Variants in CDHR2 observed in about 807,000 individuals in gnomAD.
CDHR2 encodes the protein cadherin-related family member 2.
CDHR2 carries 104 observed loss-of-function variants against 138.6 expected under a neutral mutation model. That is an observed-to-expected ratio of 0.75 (90% CI 0.64 to 0.88). The LOEUF (loss-of-function observed/expected upper bound fraction) is 0.88. Among genes scored for constraint, CDHR2 ranks in the 40% least tolerant of loss-of-function variants. CDHR2 has a pLI of 0.00. For synonymous variants in CDHR2, 755 were observed against 742.8 expected (o/e 1.02, Z -0.27); for missense variants, 1,624 against 1,727.6 (o/e 0.94, Z 1.06).
In CDHR2 at chr5:176,591,330, A is replaced by G; in HGVS notation, c.3653+7A>G. 2 of 1,612,322 alleles carry G rather than the reference A, an allele frequency of 1.2e-6. No individual in the cohort carries two copies. The highest frequency in any genetic ancestry group is 1.7e-6 in the Non-Finnish European group (2 of 1,178,380). ...ACATGTACAACACTGAGCGGTGAGC[A>G]GGGGTCAAAGGGTAGGTAAGAGGCC... is the stretch of plus-strand genomic sequence containing the variant. On this transcript the variant is annotated splice_region_variant and intron_variant, in intron 29 of 31. Coordinates refer to ENST00000261944, the MANE Select transcript of CDHR2 (RefSeq NM_017675.6).
chr5:176,554,938 G>A (rs982674356), intron 1 of CDHR2, among the ~76,000 whole-genome samples: 3 of 152,218 alleles, frequency 2.0e-5, no homozygotes, highest in Non-Finnish European at 4.4e-5. Context: ...ACAGGTGTGA[G>A]CCACCACACC....
At chr5:176,554,560 T>C (rs1226111338) in intron 1 of CDHR2, among the ~76,000 whole-genome samples, 1 of 152,254 alleles carries the variant, frequency 6.6e-6, no homozygotes, top group Non-Finnish European at 1.5e-5. Context: ...TCCTTGACTC[T>C]GTAAACTCAA....
At chr5:176,565,586 A>C in intron 2 of CDHR2, 86 bp from the exon 3 acceptor site, 1 of 1,335,760 alleles carries the variant, frequency 7.5e-7, no homozygotes, top group Non-Finnish European at 1.1e-6. Context: ...GGTGGCCATA[A>C]GGACTAGTGT....
rs543758811 is a variant in CDHR2, at chr5:176,543,161, C to T, written c.-16+392C>T. The stretch of plus-strand genomic sequence containing the variant: ...CGGCAGAGGCCTGGCGGGAAGACCC[C>T]GCGTGCGTTCCTCCGCCGGCCCGCG... On this transcript the variant is annotated intron_variant, in intron 1 of 31. Transcript: ENST00000510636. This position sits in a 1 kb window ranked among gnomAD's most constrained non-coding sequence, Gnocchi z 4.0. 1.3e-3 allele frequency among the ~76,000 whole-genome samples: 197 copies of T among 150,674 alleles called. No homozygotes were observed. The highest frequency in any genetic ancestry group is 4.7e-3 in the African/African-American group (194 of 41,334).
chr5:176,563,404 C>T (rs1041472176), intron 1 of CDHR2, among the ~76,000 whole-genome samples: 5 of 151,938 alleles, frequency 3.3e-5, no homozygotes, highest in Admixed American at 6.6e-5. Flanking sequence ...GGGCTCAGTT[C>T]GTCAGCAGCT....
Position 176,581,314 on chromosome 5 carries a change from C to T in CDHR2, c.1819-29C>T, listed in dbSNP as rs531270427. 4.2e-5 allele frequency: 68 copies of T among 1,608,692 alleles called. No homozygotes were observed. The South Asian group carries it at 5.1e-4, about 12-fold the overall frequency. On this transcript the variant is annotated intron_variant, in intron 16 of 31. Coordinates refer to ENST00000261944, the MANE Select transcript of CDHR2 (RefSeq NM_017675.6). ...GCTGGGGGCTGGGAATGCCGATGGC[C>T]GATGACCAACCCCTGCTTACGTGCA...
In CDHR2 at chr5:176,576,144, C is replaced by G. The variant is rs754193910; in HGVS notation, c.1153C>G (p.Pro385Ala). 13 of 1,613,940 alleles carry G rather than the reference C, an allele frequency of 8.1e-6. No homozygotes were observed. Among genetic ancestry groups the G allele is most frequent in the Non-Finnish European group, 1.7e-6 (2 of 1,180,040 alleles). Residue 385 changes from proline to alanine, a missense_variant, in exon 12 of 32, where the codon CCC becomes GCC. Transcript: ENST00000261944. The surrounding 1 kb of genome is among the most constrained non-coding windows in gnomAD (Gnocchi z 4.5). Reference sequence around the variant, plus strand: ...GGACGAGCATGCCTCCCCCCGCATCCCCATCGATGACCTCACCATGGTGGT... The same window carrying G: ...GGACGAGCATGCCTCCCCCCGCATCGCCATCGATGACCTCACCATGGTGGT... Reference protein sequence around the residue: ...YVDEHASPRIPIDDLTMVVYD... With the variant: ...YVDEHASPRIAIDDLTMVVYD...
chr5:176,590,504 G>C lies in CDHR2; in HGVS notation c.3414+19G>C, dbSNP rs1294888201. On this transcript the variant is annotated intron_variant, in intron 27 of 31. Coordinates refer to ENST00000261944, the MANE Select transcript of CDHR2 (RefSeq NM_017675.6). ...GGTGCTGGTGAGTGCGGGCAGGGCGGGGCAGCAGGTGGGGCTGCTGAAGAC... is the reference window on the plus strand; with the variant it reads ...GGTGCTGGTGAGTGCGGGCAGGGCGCGGCAGCAGGTGGGGCTGCTGAAGAC... The C allele has an allele frequency of 1.2e-6, 2 of 1,613,962 alleles. No homozygotes were observed. The highest frequency in any genetic ancestry group is 3.3e-5 in the Admixed American group (2 of 60,026).
Position 176,577,936 on chromosome 5 carries a change from T to TG in CDHR2, c.1513-97dup, listed in dbSNP as rs1268035152. 13 of 1,498,598 alleles carry TG rather than the reference T, an allele frequency of 8.7e-6. No homozygotes were observed. The East Asian group carries it at 2.8e-4, about 32-fold the overall frequency. 92.8% of individuals were successfully genotyped at this position (1,498,598 alleles called of 1,614,324 possible). On this transcript the variant is annotated intron_variant, in intron 14 of 31. Transcript: ENST00000261944. The stretch of plus-strand genomic sequence containing the variant: ...CTGAGTGTGCTGGGGATTCTCCCTT[T>TG]GTGTGAGGAAGCACGACAGCTCTGT...
chr5:176,572,953 C>T (rs1758271051), intron 6 of CDHR2, among the ~76,000 whole-genome samples: 1 of 152,212 alleles, frequency 6.6e-6, no homozygotes. Flanking sequence ...CGGTGAGCCC[C>T]ACAATGAGCA....
In CDHR2 at chr5:176,590,339, G is replaced by A. The variant is rs1326486171; in HGVS notation, c.3353+9G>A. 8 of 1,614,200 alleles carry A rather than the reference G, an allele frequency of 5.0e-6. No homozygotes were observed. The highest frequency in any genetic ancestry group is 3.3e-5 in the Admixed American group (2 of 60,024). On this transcript the variant is annotated intron_variant, in intron 26 of 31. Coordinates refer to ENST00000261944, the MANE Select transcript of CDHR2 (RefSeq NM_017675.6). ...CTTGATGAGCTGAGTGTGTGAGTGG[G>A]GCTGCCCTTGGGGCAGGTGTGAGGG...
intron 12 of CDHR2, among the ~76,000 whole-genome samples, chr5:176,577,125 G>T (rs116166784): frequency 6.9e-6 from 1 of 145,930 alleles, no homozygotes; most frequent in Non-Finnish European, 1.5e-5. Context: ...GGGTGGGTGG[G>T]AGGGACAGCT....
At position 176,575,752 on chromosome 5, in the gene CDHR2, C is replaced by T. The variant is rs768189176; in HGVS notation, c.873C>T (p.Ile291=). The change falls in exon 11 of 32, where the codon ATC becomes ATT. Residue 291 remains isoleucine (I), a synonymous_variant. Coordinates refer to ENST00000261944, the MANE Select transcript of CDHR2 (RefSeq NM_017675.6). ...SYSTRPGWFD[I]GADGVIRVNG... Reference sequence around the variant, plus strand: ...CCACGCGGCCCGGCTGGTTTGACATCGGGGCAGATGGGGTGATCAGGGTCA... The same window carrying T: ...CCACGCGGCCCGGCTGGTTTGACATTGGGGCAGATGGGGTGATCAGGGTCA... The T allele has an allele frequency of 2.8e-5, 44 of 1,570,276 alleles. No homozygotes were observed. Among genetic ancestry groups the T allele is most frequent in the South Asian group, 1.0e-4 (9 of 86,648 alleles).
upstream of CDHR2, among the ~76,000 whole-genome samples, chr5:176,546,075 C>T (rs2963298): frequency 0.6 from 91,400 of 152,098 alleles, 31,685 homozygotes; most frequent in Non-Finnish European, 0.77. Context: ...CAGGCTGACT[C>T]CCATGGTCTG....
At chr5:176,547,813 T>A (rs1379814184), upstream of CDHR2, 2 of 152,272 alleles carry the variant, frequency 1.3e-5, no homozygotes, top group East Asian at 3.8e-4. Flanking sequence ...GTTTCTTCTT[T>A]TTATGCTGGT....
At chr5:176,574,197 G>A (rs1235167957) in intron 7 of CDHR2, 25 bp downstream of exon 7, 16 of 1,556,990 alleles carry the variant, frequency 1.0e-5, no homozygotes, top group Non-Finnish European at 1.3e-5. Context: ...GGCCCTGACC[G>A]CCTTTGTGAC....
chr5:176,584,808 G>A lies in CDHR2; in HGVS notation c.2527G>A (p.Glu843Lys). 6.2e-7 allele frequency: 1 copy of A among 1,614,218 alleles called. No individual in the cohort carries two copies. Among genetic ancestry groups the A allele is most frequent in the Non-Finnish European group, 8.5e-7 (1 of 1,180,040 alleles). Residue 843 changes from glutamate (E) to lysine (K), a missense_variant, in exon 19 of 32, where the codon GAG (glutamate) becomes AAG (lysine). Transcript: ENST00000261944. Reference sequence around the variant, plus strand: ...GGATGTGGACACCAGTGCCCAGCTGGAGATACAGCTTGTGAACATTCTCTG... The same window carrying A: ...GGATGTGGACACCAGTGCCCAGCTGAAGATACAGCTTGTGAACATTCTCTG... ...ASDVDTSAQL[E>K]IQLVNILCTK...
intron 1 of CDHR2, among the ~76,000 whole-genome samples, chr5:176,555,477 A>G (rs903310650): frequency 6.6e-6 from 1 of 152,176 alleles, no homozygotes; most frequent in African/African-American, 2.4e-5. Context: ...ATGAATCCCA[A>G]ATATTCTGCC....
intron 6 of CDHR2, among the ~76,000 whole-genome samples, chr5:176,573,082 G>T (rs1758273474): frequency 6.6e-6 from 1 of 152,288 alleles, no homozygotes; most frequent in Non-Finnish European, 1.5e-5. Context: ...GCAAGAAGGA[G>T]CTGGCAGGGG....
Sources: gnomAD v4.1 joint callset for allele counts (sites outside exome capture counted in the v4.1 genomes callset) on GRCh38, gnomAD v4.1.1 for gene constraint, Gnocchi (gnomAD v3.1) non-coding constraint, MANE v1.5 for transcripts, NCBI Gene and HGNC (gene_info 2026-07-23, HGNC 2026-07-21) for gene names.